Variants in ADAMTS9 observed in about 807,000 individuals in gnomAD.
ADAMTS9 encodes the protein ADAM metallopeptidase with thrombospondin type 1 motif 9, also known as A disintegrin and metalloproteinase with thrombospondin motifs 9.
ADAMTS9 carries 107 observed loss-of-function variants against 257.1 expected under a neutral mutation model. The ratio of observed to expected loss-of-function variants is 0.42; its 90% CI spans 0.36 to 0.49. The LOEUF is 0.49. Among genes scored for constraint, ADAMTS9 ranks in the 20% least tolerant of loss-of-function variants. The probability of loss-of-function intolerance (pLI) is 0.03; values close to 1 mark genes in which losing one functional copy is unlikely to be tolerated. For missense variants in ADAMTS9, 2,353 were observed against 2,469.1 expected, an observed-to-expected ratio of 0.95 and a Z score of 1.00; for synonymous variants, 982 against 880.9, an observed-to-expected ratio of 1.11 and a Z score of -2.03.
intron 31 of ADAMTS9, among the ~76,000 whole-genome samples, chr3:64,547,352 GAC>G: frequency 4.6e-5 from 1 of 21,758 alleles, no homozygotes; most frequent in African/African-American, 6.4e-5. Flanking sequence ...GGGAAGAGGA[GAC>G]AGCAGCAGCT....
At chr3:64,660,322 C>T (rs932230112) in intron 3 of ADAMTS9, among the ~76,000 whole-genome samples, 2 of 152,130 alleles carry the variant, frequency 1.3e-5, no homozygotes, top group Admixed American at 6.5e-5. Context: ...AAATATTTGA[C>T]CATTATAACC....
At chr3:64,551,601 G>T (rs1197407030) in intron 30 of ADAMTS9, among the ~76,000 whole-genome samples, 3 of 152,150 alleles carry the variant, frequency 2.0e-5, no homozygotes, top group Non-Finnish European at 4.4e-5. Flanking sequence ...GTATAAATGA[G>T]TCAATCTCAG....
intron 4 of ADAMTS9, 35 bp from the exon 5 acceptor site, chr3:64,655,910 G>C: frequency 7.2e-7 from 1 of 1,389,934 alleles, no homozygotes; most frequent in South Asian, 1.4e-5. Context: ...AGTTAATTGT[G>C]AACTCCGTGT....
Position 64,654,383 on chromosome 3 carries a change from G to C in ADAMTS9, c.1286C>G (p.Ala429Gly). Residue 429 changes from alanine to glycine, a missense_variant, in exon 8 of 40, where the codon GCT becomes GGT. Ala to Gly is a moderately conservative substitution (Grantham distance 60). Transcript: ENST00000498707. ...SISEDSGLST[A>G]FTIAHELGHV... ...GCCCAGCTCATGGGCGATCGTAAAA[G>C]CTGTACTCAATCCACTATCTTCACT... is the stretch of plus-strand genomic sequence containing the variant. 2 of 1,614,032 alleles carry C rather than the reference G, an allele frequency of 1.2e-6. No individual in the cohort carries two copies. Among genetic ancestry groups the C allele is most frequent in the Non-Finnish European group, 8.5e-7 (1 of 1,179,968 alleles).
At chr3:64,534,809 C>T (rs2083027898) in intron 37 of ADAMTS9, among the ~76,000 whole-genome samples, 1 of 151,976 alleles carries the variant, frequency 6.6e-6, no homozygotes, top group African/African-American at 2.4e-5. Flanking sequence ...CTGTTGGCAT[C>T]TGGCGGGTAG....
At chr3:64,630,530 T>A (rs1455691728) in intron 16 of ADAMTS9, among the ~76,000 whole-genome samples, 1 of 152,156 alleles carries the variant, frequency 6.6e-6, no homozygotes. Context: ...TGAGCTGTGA[T>A]CACACCACTG....
At chr3:64,522,680 T>C (rs2082868359) in intron 38 of ADAMTS9, among the ~76,000 whole-genome samples, 1 of 152,066 alleles carries the variant, frequency 6.6e-6, no homozygotes, top group African/African-American at 2.4e-5. Context: ...TCATACTGCT[T>C]CTCGGTGCAC....
chr3:64,554,970 C>T (rs963459526), intron 30 of ADAMTS9, among the ~76,000 whole-genome samples: 4 of 152,202 alleles, frequency 2.6e-5, no homozygotes, highest in African/African-American at 7.2e-5. Context: ...TTGCTTTACA[C>T]TTTCAAATAT....
chr3:64,556,306 C>T (rs1002484743), intron 30 of ADAMTS9, among the ~76,000 whole-genome samples: 3 of 152,104 alleles, frequency 2.0e-5, no homozygotes, highest in Non-Finnish European at 4.4e-5. Flanking sequence ...CAGAGTTTGA[C>T]TGTGCTTTTA....
intron 38 of ADAMTS9, among the ~76,000 whole-genome samples, chr3:64,526,041 A>G (rs1412478491): frequency 6.8e-6 from 1 of 147,168 alleles, no homozygotes; most frequent in Non-Finnish European, 1.5e-5. Context: ...ATAATGTATT[A>G]TAATCTTATG....
intron 37 of ADAMTS9, among the ~76,000 whole-genome samples, 177 bp downstream of exon 37, chr3:64,539,026 G>A (rs1043465731): frequency 6.6e-6 from 1 of 152,144 alleles, no homozygotes; most frequent in African/African-American, 2.4e-5. Flanking sequence ...CCCACTTTCA[G>A]GAGCTGAATT....
At chr3:64,593,918 A>C in intron 28 of ADAMTS9, among the ~76,000 whole-genome samples, 1 of 150,158 alleles carries the variant, frequency 6.7e-6, no homozygotes, top group East Asian at 2.0e-4. Context: ...AATGTGTGCT[A>C]TTGAGTTGTC....
intron 3 of ADAMTS9, among the ~76,000 whole-genome samples, chr3:64,667,090 A>G (rs1232680831): frequency 3.3e-5 from 5 of 152,220 alleles, no homozygotes; most frequent in Non-Finnish European, 7.3e-5. Flanking sequence ...CACAGTGCTG[A>G]CAGTAAATAA....
intron 24 of ADAMTS9, 61 bp downstream of exon 24, chr3:64,604,166 C>T: frequency 1.3e-6 from 2 of 1,599,704 alleles, no homozygotes. Flanking sequence ...CTTTCTATAG[C>T]CATGTCTGAG....
intron 16 of ADAMTS9, among the ~76,000 whole-genome samples, chr3:64,623,185 C>T (rs1324234590): frequency 2.0e-5 from 3 of 152,130 alleles, no homozygotes; most frequent in African/African-American, 7.2e-5. Flanking sequence ...ATGTGTCATC[C>T]CCTCCCACAT....
In ADAMTS9 at chr3:64,546,942, G is replaced by C; in HGVS notation, c.4880C>G (p.Thr1627Ser). The change falls in exon 32 of 40, where the codon ACC becomes AGC. Residue 1627 changes from threonine to serine, a missense_variant. This residue lies in a region of ADAMTS9 where 1,402 missense variants were observed against 1,441.4 expected (regional missense o/e 0.97). Transcript: ENST00000498707. ...CCTTTGTTTGTAGCCTTTTCCACAG[G>C]TCACTGAGCACTGCAAAGACAGGGA... ...ITGEWSECSVTCGKGYKQRLV... is the reference protein window; with the variant it reads ...ITGEWSECSVSCGKGYKQRLV... 6.2e-7 allele frequency: 1 copy of C among 1,607,790 alleles called. No individual in the cohort carries two copies. The highest frequency in any genetic ancestry group is 1.7e-4 in the Middle Eastern group (1 of 6,024).
At chr3:64,518,782 T>TC (rs2082814330) in intron 39 of ADAMTS9, among the ~76,000 whole-genome samples, 1 of 142,746 alleles carries the variant, frequency 7.0e-6, no homozygotes, top group Admixed American at 7.2e-5. Flanking sequence ...TTTTTTTTTT[T>TC]TTTTTTTTGA....
chr3:64,642,817 C>T (rs1004012712), intron 11 of ADAMTS9, among the ~76,000 whole-genome samples: 6 of 152,012 alleles, frequency 3.9e-5, no homozygotes, highest in South Asian at 2.1e-4. Context: ...GAGCTGGTGG[C>T]GACTGTCGTG....
intron 9 of ADAMTS9, chr3:64,650,435 T>C (rs908186568): frequency 6.5e-6 from 1 of 153,184 alleles, no homozygotes; most frequent in Admixed American, 6.5e-5. Flanking sequence ...CATTGTATAA[T>C]GTAATTGGAT....
Sources: gnomAD v4.1 joint callset for allele counts (sites outside exome capture counted in the v4.1 genomes callset) on GRCh38, gnomAD v4.1.1 for gene constraint, gnomAD v4.1.1 regional missense constraint, MANE v1.5 for transcripts, NCBI Gene and HGNC (gene_info 2026-07-23, HGNC 2026-07-21) for gene names.